The following CHST11 variants were observed in gnomAD, a reference collection of about 807,000 sequenced individuals.
The protein encoded by CHST11 is C4S-1.
In CHST11, 9 loss-of-function variants were observed where a neutral mutation model predicts 30.4. The ratio of observed to expected loss-of-function variants is 0.30; its 90% confidence interval spans 0.18 to 0.52. CHST11 has a LOEUF of 0.52. Among genes scored for constraint, CHST11 ranks in the 20% least tolerant of loss-of-function variants. The pLI is 0.97. For missense variants in CHST11, 348 were observed against 460.6 expected, an observed-to-expected ratio of 0.76 and a Z score of 2.24; for synonymous variants, 152 against 187.8, an observed-to-expected ratio of 0.81 and a Z score of 1.56.
intron 2 of CHST11, among the ~76,000 whole-genome samples, chr12:104,750,850 T>TA (rs2040426024): frequency 6.6e-6 from 1 of 152,204 alleles, no homozygotes; most frequent in African/African-American, 2.4e-5. Context: ...GAAATTATTT[T>TA]AAAATTAAAA....
At chr12:104,495,907 T>C (rs1442871104) in intron 1 of CHST11, among the ~76,000 whole-genome samples, 1 of 152,194 alleles carries the variant, frequency 6.6e-6, no homozygotes, top group Non-Finnish European at 1.5e-5. Flanking sequence ...AAGAAAGTTA[T>C]AGAAGATAAT....
intron 1 of CHST11, among the ~76,000 whole-genome samples, chr12:104,469,450 T>C (rs1373454816): frequency 8.5e-5 from 13 of 152,248 alleles, no homozygotes; most frequent in Admixed American, 8.5e-4. Flanking sequence ...CAATGCCATT[T>C]CTGAAGCTGA....
intron 2 of CHST11, among the ~76,000 whole-genome samples, chr12:104,687,337 T>A (rs2039855406): frequency 6.6e-6 from 1 of 152,278 alleles, no homozygotes; most frequent in African/African-American, 2.4e-5. Flanking sequence ...TAAATGTGTA[T>A]AAATCCTGGA....
At chr12:104,635,576 A>G (rs1007879398) in intron 2 of CHST11, among the ~76,000 whole-genome samples, 1 of 152,204 alleles carries the variant, frequency 6.6e-6, no homozygotes, top group African/African-American at 2.4e-5. Context: ...GACTGTGTTG[A>G]TGGCTTCGCC....
At chr12:104,716,060 G>T (rs1286486696) in intron 2 of CHST11, among the ~76,000 whole-genome samples, 2 of 152,214 alleles carry the variant, frequency 1.3e-5, no homozygotes, top group Non-Finnish European at 2.9e-5. Context: ...CCCAGAGAAA[G>T]GTATAGCTCA....
chr12:104,543,089 G>A (rs1251156106), intron 1 of CHST11, among the ~76,000 whole-genome samples: 7 of 152,204 alleles, frequency 4.6e-5, no homozygotes, highest in Non-Finnish European at 1.0e-4. Context: ...TGAGCTTCAG[G>A]TGAGGCCTCA....
chr12:104,552,270 G>A (rs935118064), intron 1 of CHST11: 2 of 152,314 alleles, frequency 1.3e-5, no homozygotes. Flanking sequence ...TTGCCCAGAT[G>A]TTCTTCCTCT....
intron 1 of CHST11, among the ~76,000 whole-genome samples, chr12:104,589,933 C>T (rs978862615): frequency 5.9e-5 from 9 of 151,970 alleles, no homozygotes; most frequent in Non-Finnish European, 1.3e-4. Flanking sequence ...TGCTTGAATC[C>T]GGGAGGAGGA....
intron 2 of CHST11, among the ~76,000 whole-genome samples, chr12:104,704,808 G>A (rs554732674): frequency 5.9e-5 from 9 of 152,098 alleles, no homozygotes; most frequent in East Asian, 1.9e-4. Context: ...GCTTGGCCCC[G>A]AGGTATGGAG....
intron 2 of CHST11, among the ~76,000 whole-genome samples, chr12:104,717,574 C>T (rs1455793937): frequency 1.3e-5 from 2 of 152,046 alleles, no homozygotes; most frequent in Non-Finnish European, 1.5e-5. Flanking sequence ...GAGTTCGAGA[C>T]CAGCCTAGCA....
intron 1 of CHST11, among the ~76,000 whole-genome samples, chr12:104,531,593 T>C (rs2135995120): frequency 6.6e-6 from 1 of 152,196 alleles, no homozygotes; most frequent in East Asian, 1.9e-4. Context: ...TTCTTTCTTC[T>C]TTTCAGTCCC....
chr12:104,674,053 C>T (rs1287014438), intron 2 of CHST11, among the ~76,000 whole-genome samples: 4 of 152,246 alleles, frequency 2.6e-5, no homozygotes, highest in Non-Finnish European at 5.9e-5. Flanking sequence ...TCCCCTGAGT[C>T]TGATTTCTCT....
At chr12:104,543,267 T>C (rs1477574320) in intron 1 of CHST11, among the ~76,000 whole-genome samples, 1 of 152,174 alleles carries the variant, frequency 6.6e-6, no homozygotes, top group Non-Finnish European at 1.5e-5. Flanking sequence ...CACCAAGCCA[T>C]TCTTGAGGTA....
At chr12:104,750,483 C>T (rs1478283509) in intron 2 of CHST11, among the ~76,000 whole-genome samples, 1 of 114,916 alleles carries the variant, frequency 8.7e-6, no homozygotes, top group East Asian at 2.6e-4. Context: ...GCTCTGTCAC[C>T]CAGGCCGGAG....
intron 1 of CHST11, among the ~76,000 whole-genome samples, chr12:104,577,873 C>G (rs2038700840): frequency 6.6e-6 from 1 of 152,186 alleles, no homozygotes; most frequent in South Asian, 2.1e-4. Flanking sequence ...AACAAAAGAT[C>G]TGTAGACAAT....
At chr12:104,551,660 T>G (rs2038406108) in intron 1 of CHST11, among the ~76,000 whole-genome samples, 1 of 152,152 alleles carries the variant, frequency 6.6e-6, no homozygotes, top group South Asian at 2.1e-4. Context: ...CGAAGTGATT[T>G]AAGGGTGGGG....
rs111866030 is a variant in CHST11, at chr12:104,515,505, TTTCA to T, written c.118+57999_118+58002del. ...GGAAGAAATCAAAGCTAGTTTGTTT[TTTCA>T]TTCATTCATTCATTCATTCATTGTT... On this transcript the variant is annotated intron_variant, in intron 1 of 2. Transcript: ENST00000303694. Among the ~76,000 whole-genome samples the T allele has an allele frequency of 5.8e-3, 880 of 152,286 alleles. 9 individuals carry two copies. Among genetic ancestry groups the T allele is most frequent in the African/African-American group, 0.02 (832 of 41,542 alleles).
Position 104,488,677 on chromosome 12 carries a change from G to A in CHST11, c.118+31148G>A, listed in dbSNP as rs543969024. ...TGTGTATGTGTGCGTGTATGTGTAT[G>A]CGTCTGTGTATGCGTATGTGTGTGT... On this transcript the variant is annotated intron_variant, in intron 1 of 2. Transcript: ENST00000303694. Among the ~76,000 whole-genome samples, 241 of 149,950 alleles carry A rather than the reference G, an allele frequency of 1.6e-3. 1 individual carries two copies. The highest frequency in any genetic ancestry group is 2.3e-3 in the Non-Finnish European group (156 of 67,368).
At chr12:104,731,237 C>G (rs1738706959) in intron 2 of CHST11, among the ~76,000 whole-genome samples, 1 of 152,190 alleles carries the variant, frequency 6.6e-6, no homozygotes, top group Non-Finnish European at 1.5e-5. Flanking sequence ...ATCTATCACC[C>G]AGACACGGCT....
Sources: gnomAD v4.1 joint callset for allele counts (sites outside exome capture counted in the v4.1 genomes callset) on GRCh38, gnomAD v4.1.1 for gene constraint, MANE v1.5 for transcripts, NCBI Gene and HGNC (gene_info 2026-07-23, HGNC 2026-07-21) for gene names.